The following BMERB1 variants were observed in gnomAD, a reference collection of about 807,000 sequenced individuals.
BMERB1 encodes bMERB domain-containing protein 1.
In BMERB1, 12 loss-of-function variants were observed where a neutral mutation model predicts 23.6. The ratio of observed to expected loss-of-function variants is 0.51; its 90% confidence interval spans 0.33 to 0.82. The LOEUF is 0.82. Ranked by LOEUF, BMERB1 falls within the 40% of genes least tolerant of loss-of-function variation. The pLI is 0.03. For synonymous variants in BMERB1, 122 were observed against 96.6 expected (o/e 1.26, Z -1.54); for missense variants, 247 against 255.4 (o/e 0.97, Z 0.22).
chr16:15,557,461 G>A (rs906308209), intron 2 of BMERB1, among the ~76,000 whole-genome samples: 1 of 152,234 alleles, frequency 6.6e-6, no homozygotes. Flanking sequence ...TGATTTAATG[G>A]CATTGGAAAA....
chr16:15,503,778 C>T lies in BMERB1; in HGVS notation c.107-11527C>T, dbSNP rs145849382. ...GGGAGATCAAGTAATTTGCCCAGGT[C>T]GCACAATTAGTGATAGAGCCAGGGC... On this transcript the variant is annotated intron_variant, in intron 1 of 5. Coordinates refer to ENST00000300006, the MANE Select transcript of BMERB1 (RefSeq NM_033201.3). Among the ~76,000 whole-genome samples the T allele has an allele frequency of 5.3e-3, 811 of 152,178 alleles. 4 individuals are homozygous for T. Among genetic ancestry groups the T allele is most frequent in the African/African-American group, 0.018 (760 of 41,514 alleles).
intron 1 of BMERB1, among the ~76,000 whole-genome samples, chr16:15,446,934 G>A (rs985390423): frequency 6.6e-6 from 1 of 152,174 alleles, no homozygotes; most frequent in Non-Finnish European, 1.5e-5. Context: ...ACAAAGAAAG[G>A]CTTTCTTTGA....
At chr16:15,571,828 A>T (rs999051388) in intron 3 of BMERB1, among the ~76,000 whole-genome samples, 1 of 152,126 alleles carries the variant, frequency 6.6e-6, no homozygotes, top group Non-Finnish European at 1.5e-5. Flanking sequence ...ACAAATGCAC[A>T]TTTGACTTCC....
chr16:15,488,540 T>TA (rs1673727649), intron 1 of BMERB1, among the ~76,000 whole-genome samples: 1 of 151,860 alleles, frequency 6.6e-6, no homozygotes. Context: ...AAAAGATACA[T>TA]AGTATTTGTG....
chr16:15,581,540 C>T (rs2031014626), intron 4 of BMERB1: 3 of 475,178 alleles, frequency 6.3e-6, no homozygotes, highest in Non-Finnish European at 1.1e-5. Context: ...ATCTGTGCCT[C>T]TTGAGGGAAT....
chr16:15,499,301 G>A (rs536244496), intron 1 of BMERB1, among the ~76,000 whole-genome samples: 35 of 152,162 alleles, frequency 2.3e-4, no homozygotes, highest in African/African-American at 7.9e-4. Context: ...GGGAGGCTGA[G>A]GCAGGAGAAT....
chr16:15,436,750 C>G (rs530154966), intron 1 of BMERB1, among the ~76,000 whole-genome samples: 6 of 152,084 alleles, frequency 3.9e-5, no homozygotes, highest in African/African-American at 1.4e-4. Context: ...ATGAGGGTCT[C>G]TTGTTTCTTA....
intron 2 of BMERB1, among the ~76,000 whole-genome samples, chr16:15,555,065 G>A (rs901393173): frequency 2.0e-5 from 3 of 152,108 alleles, no homozygotes; most frequent in African/African-American, 7.2e-5. Context: ...GCAGACAGCT[G>A]GAAACCCACG....
intron 2 of BMERB1, among the ~76,000 whole-genome samples, chr16:15,556,451 G>A (rs1330542026): frequency 2.0e-5 from 3 of 152,180 alleles, no homozygotes; most frequent in Non-Finnish European, 4.4e-5. Context: ...AGCAAAGTAG[G>A]TCATAGCCAG....
intron 1 of BMERB1, among the ~76,000 whole-genome samples, chr16:15,480,692 T>C (rs1598462753): frequency 7.1e-6 from 1 of 141,164 alleles, no homozygotes. Flanking sequence ...CGGCTCACTG[T>C]AACCTCCGTC....
At chr16:15,504,560 C>A (rs1442624024) in intron 1 of BMERB1, among the ~76,000 whole-genome samples, 1 of 151,916 alleles carries the variant, frequency 6.6e-6, no homozygotes, top group Non-Finnish European at 1.5e-5. Context: ...GCGATCCTCC[C>A]ACCTCAGCCT....
chr16:15,567,742 A>G (rs2030615779), intron 2 of BMERB1, among the ~76,000 whole-genome samples: 1 of 152,132 alleles, frequency 6.6e-6, no homozygotes, highest in South Asian at 2.1e-4. Flanking sequence ...CAGCCTGGGC[A>G]ACAGAGTGAG....
At chr16:15,581,185 C>T in intron 3 of BMERB1, 32 bp from the exon 4 acceptor site, 3 of 1,548,116 alleles carry the variant, frequency 1.9e-6, no homozygotes, top group Non-Finnish European at 2.6e-6. Context: ...CCAAAATGCT[C>T]ATCTGTCTCC....
chr16:15,536,530 C>T (rs1376504008), intron 2 of BMERB1: 2 of 152,362 alleles, frequency 1.3e-5, no homozygotes, highest in African/African-American at 4.8e-5. Context: ...CCCCAGAGCA[C>T]GTAGTGACCC....
At chr16:15,562,742 G>A (rs1201583579) in intron 2 of BMERB1, among the ~76,000 whole-genome samples, 1 of 152,200 alleles carries the variant, frequency 6.6e-6, no homozygotes, top group African/African-American at 2.4e-5. Flanking sequence ...GATGTAGCCT[G>A]ATCTCTGCAA....
chr16:15,539,787 G>A (rs1957491160), intron 2 of BMERB1, among the ~76,000 whole-genome samples: 1 of 151,224 alleles, frequency 6.6e-6, no homozygotes, highest in Non-Finnish European at 1.5e-5. Context: ...AGGTTGCAGT[G>A]AGCCGAGATC....
In BMERB1 at chr16:15,588,035, AC is replaced by A. The variant is rs1358854707; in HGVS notation, c.*1207del. On this transcript the variant is annotated 3_prime_UTR_variant, in exon 6 of 6. Coordinates refer to ENST00000300006, the MANE Select transcript of BMERB1 (RefSeq NM_033201.3). ...GTACATAGTAAATCATTTTAAAAGT[AC>A]AAAAAGTATGAAGAAGTTTGTCTTA... 6.9e-6 allele frequency: 1 copy of A among 145,048 alleles called. No individual in the cohort carries two copies. Among genetic ancestry groups the A allele is most frequent in the Non-Finnish European group, 1.5e-5 (1 of 67,050 alleles). 9.0% of individuals were successfully genotyped at this position (145,048 alleles called of 1,614,324 possible). A position where few individuals can be genotyped will look rare whatever the true frequency, so the allele number is the denominator to read the frequency against.
At position 15,586,752 on chromosome 16, in the gene BMERB1, A is replaced by G. The variant is rs578226555; in HGVS notation, c.538A>G (p.Ser180Gly). ...RAEKKAEPPP[S>G]KPTVAKTGLA... ...AGAGAAGAAAGCAGAGCCCCCACCT[A>G]GCAAGCCCACGGTGGCCAAGACGGG... Residue 180 changes from serine to glycine, a missense_variant, in exon 6 of 6, where the codon AGC (serine) becomes GGC (glycine). Coordinates refer to ENST00000300006, the MANE Select transcript of BMERB1 (RefSeq NM_033201.3). The G allele has an allele frequency of 2.5e-6, 4 of 1,612,326 alleles. No individual in the cohort carries two copies. Among genetic ancestry groups the G allele is most frequent in the Non-Finnish European group, 2.5e-6 (3 of 1,179,480 alleles).
chr16:15,456,724 T>C (rs1417124803), intron 1 of BMERB1, among the ~76,000 whole-genome samples: 2 of 152,230 alleles, frequency 1.3e-5, no homozygotes, highest in African/African-American at 4.8e-5. Context: ...TCTTAATTAA[T>C]TCTTTATTGA....
Sources: gnomAD v4.1 joint callset for allele counts (sites outside exome capture counted in the v4.1 genomes callset) on GRCh38, gnomAD v4.1.1 for gene constraint, MANE v1.5 for transcripts, NCBI Gene and HGNC (gene_info 2026-07-23, HGNC 2026-07-21) for gene names.